Variants in USP54 observed in about 807,000 individuals in gnomAD.
The protein encoded by USP54 is ubiquitin specific peptidase 54.
USP54 carries 87 observed loss-of-function variants against 170.5 expected under a neutral mutation model. The observed-to-expected ratio is 0.51, with a 90% confidence interval of 0.43 to 0.61. USP54 has a LOEUF of 0.61. USP54 is among the 20% of genes least tolerant of loss of function. The probability of loss-of-function intolerance (pLI) is 0.00; values close to 1 mark genes in which losing one functional copy is unlikely to be tolerated. For synonymous variants in USP54, 655 were observed against 742.8 expected (o/e 0.88, Z 1.92); for missense variants, 1,786 against 2,047.8 (o/e 0.87, Z 2.47).
At chr10:73,542,124 G>C (rs1435633232) in intron 7 of USP54, among the ~76,000 whole-genome samples, 1 of 152,150 alleles carries the variant, frequency 6.6e-6, no homozygotes, top group African/African-American at 2.4e-5. Context: ...TTTTGAGACA[G>C]GGTCTCGCTC....
At chr10:73,608,075 T>C (rs950974564) in intron 1 of USP54, among the ~76,000 whole-genome samples, 1 of 151,654 alleles carries the variant, frequency 6.6e-6, no homozygotes, top group African/African-American at 2.4e-5. Context: ...GCCTGGGCAA[T>C]ATGGTGAAAC....
chr10:73,500,633 A>G (rs373113528), intron 23 of USP54, 22 bp downstream of exon 23: 3 of 1,572,830 alleles, frequency 1.9e-6, no homozygotes, highest in African/African-American at 2.8e-5. Flanking sequence ...CTGGCATATA[A>G]TATTAGATTT....
At chr10:73,613,023 GGTGC>G (rs1361989190) in intron 1 of USP54, among the ~76,000 whole-genome samples, 3 of 151,650 alleles carry the variant, frequency 2.0e-5, no homozygotes, top group African/African-American at 7.3e-5. Flanking sequence ...CAAGCATGGT[GGTGC>G]GTGCCTCTGG....
intron 4 of USP54, among the ~76,000 whole-genome samples, chr10:73,565,932 A>C (rs2073670425): frequency 6.6e-6 from 1 of 152,176 alleles, no homozygotes; most frequent in African/African-American, 2.4e-5. Flanking sequence ...TGATTTATTT[A>C]CACAAAGAAA....
intron 1 of USP54, among the ~76,000 whole-genome samples, chr10:73,578,636 T>A (rs112820578): frequency 8.5e-5 from 13 of 152,182 alleles, no homozygotes; most frequent in Admixed American, 3.9e-4. Flanking sequence ...AACCCCTGAC[T>A]TCAGGTGATC....
chr10:73,604,269 A>G (rs1474617346), intron 1 of USP54, among the ~76,000 whole-genome samples: 2 of 152,114 alleles, frequency 1.3e-5, no homozygotes, highest in Non-Finnish European at 2.9e-5. Context: ...ACAAAACCAC[A>G]CACAAAACAA....
chr10:73,534,353 C>T (rs1344770545), intron 12 of USP54, among the ~76,000 whole-genome samples: 2 of 152,036 alleles, frequency 1.3e-5, no homozygotes, highest in Non-Finnish European at 1.5e-5. Context: ...ACTACAGGTG[C>T]CTGCCACCAT....
At chr10:73,603,593 A>G (rs1042188029) in intron 1 of USP54, among the ~76,000 whole-genome samples, 2 of 152,026 alleles carry the variant, frequency 1.3e-5, no homozygotes, top group Middle Eastern at 3.2e-3. Flanking sequence ...TAAAAATGCA[A>G]AAAAGTTAAT....
At chr10:73,552,081 A>C (rs1313428588) in intron 4 of USP54, among the ~76,000 whole-genome samples, 1 of 152,160 alleles carries the variant, frequency 6.6e-6, no homozygotes, top group Non-Finnish European at 1.5e-5. Flanking sequence ...AATGGTTAAG[A>C]GACTGGATTC....
chr10:73,613,042 A>C (rs2080278012), intron 1 of USP54, among the ~76,000 whole-genome samples: 1 of 151,372 alleles, frequency 6.6e-6, no homozygotes, highest in South Asian at 2.1e-4. Flanking sequence ...CTCTGGTCCC[A>C]GCTACTCAGG....
chr10:73,574,980 A>G (rs2133820111), intron 3 of USP54, among the ~76,000 whole-genome samples: 1 of 152,254 alleles, frequency 6.6e-6, no homozygotes, highest in East Asian at 1.9e-4. Context: ...TAATCCCAGC[A>G]CTTTGGGAGG....
intron 22 of USP54, among the ~76,000 whole-genome samples, chr10:73,503,797 A>G (rs1239394947): frequency 1.3e-5 from 2 of 152,170 alleles, no homozygotes; most frequent in African/African-American, 4.8e-5. Flanking sequence ...CAGTGGCTCA[A>G]TCTCAGCTCA....
intron 4 of USP54, among the ~76,000 whole-genome samples, chr10:73,560,390 C>T (rs995842273): frequency 2.0e-5 from 3 of 151,188 alleles, no homozygotes; most frequent in Middle Eastern, 3.4e-3. Context: ...CATGGTGGCT[C>T]ACGCCTGTAA....
At chr10:73,614,726 G>C (rs1263013799) in intron 1 of USP54, among the ~76,000 whole-genome samples, 1 of 149,954 alleles carries the variant, frequency 6.7e-6, no homozygotes, top group Admixed American at 6.6e-5. Context: ...GAGAAAAAGA[G>C]TACCTCCAAA....
chr10:73,529,794 T>A lies in USP54; in HGVS notation c.1946A>T (p.Glu649Val). ...GPARPGSHLL[E>V]QHPRLIQRME... is the part of the protein sequence containing the mutation. ...TCGCTGGATTAGTCGGGGGTGCTGC[T>A]CTAAAAGGTGAGAGCCTGGCCGTGC... Residue 649 changes from glutamate to valine, a missense_variant, in exon 15 of 24, where the codon GAG (glutamate) becomes GTG (valine). Glu to Val is a moderately radical substitution (Grantham distance 121). Coordinates refer to ENST00000687698, the MANE Select transcript of USP54 (RefSeq NM_001391956.1). The A allele has an allele frequency of 6.2e-7, 1 of 1,613,676 alleles. No individual in the cohort carries two copies. The highest frequency in any genetic ancestry group is 8.5e-7 in the Non-Finnish European group (1 of 1,179,686).
At chr10:73,523,882 TA>T (rs2062364885) in intron 16 of USP54, 132 bp from the exon 17 acceptor site, 1 of 142,642 alleles carries the variant, frequency 7.0e-6, no homozygotes, top group Non-Finnish European at 1.4e-5. Flanking sequence ...ATTTATTATT[TA>T]TTATTATTAT....
intron 23 of USP54, chr10:73,499,601 G>GA (rs1315745669): frequency 6.2e-6 from 1 of 160,142 alleles, no homozygotes; most frequent in Admixed American, 5.9e-5. Context: ...ATAGAGACGG[G>GA]ATCTCACTGT....
upstream of USP54, among the ~76,000 whole-genome samples, chr10:73,596,076 A>G (rs186944683): frequency 2.8e-3 from 419 of 149,068 alleles, 3 homozygotes; most frequent in African/African-American, 0.01. Flanking sequence ...GTGCCACCGC[A>G]CTCCAGCCTG....
At chr10:73,533,107 C>T (rs924284875) in intron 12 of USP54, among the ~76,000 whole-genome samples, 1 of 152,194 alleles carries the variant, frequency 6.6e-6, no homozygotes, top group South Asian at 2.1e-4. Context: ...GAGATCGAGA[C>T]CATCCTGGCT....
Sources: allele counts gnomAD v4.1 joint callset (sites outside exome capture counted in the v4.1 genomes callset), GRCh38; gene constraint gnomAD v4.1.1; transcripts MANE v1.5; gene names NCBI Gene and HGNC (gene_info 2026-07-23, HGNC 2026-07-21).